Variants in PLEKHH2 observed in about 807,000 individuals in gnomAD.
The protein encoded by PLEKHH2 is pleckstrin homology, MyTH4 and FERM domain containing H2, also known as pleckstrin homology domain-containing family H member 2.
PLEKHH2 carries 129 observed loss-of-function variants against 187.9 expected under a neutral mutation model. That is an observed-to-expected ratio of 0.69 (90% CI 0.59 to 0.79). PLEKHH2 has a LOEUF of 0.79. Among genes scored for constraint, PLEKHH2 ranks in the 30% least tolerant of loss-of-function variants. The pLI, the probability that PLEKHH2 is intolerant of heterozygous loss-of-function variation, is 0.00. For missense variants in PLEKHH2, 2,076 were observed against 1,751.2 expected (o/e 1.19, Z -3.31); for synonymous variants, 686 against 605.6 (o/e 1.13, Z -1.95).
At chr2:43,730,857 T>TA (rs2104570875) in intron 18 of PLEKHH2, among the ~76,000 whole-genome samples, 1 of 152,370 alleles carries the variant, frequency 6.6e-6, no homozygotes, top group South Asian at 2.1e-4. Context: ...TTTATCTTTA[T>TA]ATCTCTTTCT....
intron 2 of PLEKHH2, among the ~76,000 whole-genome samples, chr2:43,673,929 T>C (rs538684021): frequency 6.6e-6 from 1 of 152,106 alleles, no homozygotes; most frequent in Non-Finnish European, 1.5e-5. Flanking sequence ...TCAAGACAAC[T>C]TTACAATGTA....
intron 16 of PLEKHH2, among the ~76,000 whole-genome samples, chr2:43,723,170 A>G (rs893230006): frequency 1.3e-5 from 2 of 152,196 alleles, no homozygotes; most frequent in Non-Finnish European, 2.9e-5. Flanking sequence ...TTATCATAGT[A>G]TTAATAGAAT....
chr2:43,676,151 T>C (rs1200031463), intron 2 of PLEKHH2: 3 of 1,614,034 alleles, frequency 1.9e-6, no homozygotes, highest in Non-Finnish European at 2.5e-6. Context: ...AGTATCACTT[T>C]TGAAGTGTTT....
chr2:43,756,993 A>G (rs1672236801), intron 25 of PLEKHH2, 126 bp from the exon 26 acceptor site: 2 of 621,024 alleles, frequency 3.2e-6, no homozygotes, highest in Non-Finnish European at 4.9e-6. Flanking sequence ...TCATAATCAC[A>G]TAATCATGAC....
intron 6 of PLEKHH2, among the ~76,000 whole-genome samples, chr2:43,695,548 C>T (rs1488470358): frequency 6.6e-6 from 1 of 152,184 alleles, no homozygotes; most frequent in Admixed American, 6.5e-5. Context: ...AAACTAAGTT[C>T]CAGAGAGTCC....
chr2:43,754,415 T>C (rs1265816983), intron 25 of PLEKHH2, among the ~76,000 whole-genome samples: 1 of 151,670 alleles, frequency 6.6e-6, no homozygotes, highest in East Asian at 1.9e-4. Context: ...GGGGAAGGGC[T>C]GAAAAGGGCA....
intron 2 of PLEKHH2, among the ~76,000 whole-genome samples, chr2:43,677,675 G>GC (rs1667891656): frequency 6.6e-6 from 1 of 151,582 alleles, no homozygotes; most frequent in African/African-American, 2.4e-5. Flanking sequence ...CCACAAAACC[G>GC]CCATTGTCAT....
chr2:43,695,580 A>G (rs1326085976), intron 6 of PLEKHH2, among the ~76,000 whole-genome samples: 1 of 152,238 alleles, frequency 6.6e-6, no homozygotes, highest in Non-Finnish European at 1.5e-5. Context: ...AGTACTGTAC[A>G]GAGACATTAG....
At chr2:43,669,933 C>T (rs1234728350) in intron 2 of PLEKHH2, among the ~76,000 whole-genome samples, 1 of 151,936 alleles carries the variant, frequency 6.6e-6, no homozygotes, top group East Asian at 1.9e-4. Flanking sequence ...ATAAAAGAAG[C>T]CCCTGAAGAA....
rs1669280345 is a variant in PLEKHH2, at chr2:43,700,046, T to C, written c.1088T>C (p.Leu363Pro). 6.2e-7 allele frequency: 1 copy of C among 1,614,038 alleles called. No homozygotes were observed. Among genetic ancestry groups the C allele is most frequent in the African/African-American group, 1.3e-5 (1 of 74,918 alleles). Residue 363 changes from leucine (L) to proline (P), a missense_variant, in exon 8 of 30, where the codon CTA (leucine) becomes CCA (proline). Coordinates refer to ENST00000282406, the MANE Select transcript of PLEKHH2 (RefSeq NM_172069.4). ...SWQQEAQWKA[L>P]NSPLGKGNSE... is the part of the protein sequence containing the mutation. ...CAGCAGGAGGCACAGTGGAAAGCTCTAAATAGTCCTCTTGGAAAGGGAAAT... is the reference window on the plus strand; with the variant it reads ...CAGCAGGAGGCACAGTGGAAAGCTCCAAATAGTCCTCTTGGAAAGGGAAAT...
chr2:43,703,687 T>C (rs1345591019), intron 8 of PLEKHH2, among the ~76,000 whole-genome samples: 1 of 151,676 alleles, frequency 6.6e-6, no homozygotes, highest in Non-Finnish European at 1.5e-5. Context: ...TAGTCAGTGA[T>C]TGTGAAAAAG....
chr2:43,685,911 T>G (rs1449027117), intron 3 of PLEKHH2, among the ~76,000 whole-genome samples: 1 of 152,242 alleles, frequency 6.6e-6, no homozygotes, highest in Non-Finnish European at 1.5e-5. Flanking sequence ...GGTGGATACC[T>G]TAATATATTA....
chr2:43,675,801 T>C (rs1558461178), intron 2 of PLEKHH2: 4 of 1,613,822 alleles, frequency 2.5e-6, no homozygotes, highest in Non-Finnish European at 1.7e-6. Flanking sequence ...ATTCGAGGTC[T>C]CCAAATATAA....
At chr2:43,652,309 A>C (rs972158370) in intron 2 of PLEKHH2, among the ~76,000 whole-genome samples, 4 of 151,926 alleles carry the variant, frequency 2.6e-5, no homozygotes, top group African/African-American at 9.7e-5. Flanking sequence ...CTTTCATGTC[A>C]CTCCGCCTCT....
At chr2:43,700,659 CTT>C in intron 8 of PLEKHH2, 51 bp downstream of exon 8, 2 of 1,521,150 alleles carry the variant, frequency 1.3e-6, no homozygotes, top group South Asian at 1.3e-5. Flanking sequence ...TTTCTCAACA[CTT>C]TTTTTTTCTG....
chr2:43,731,366 T>C (rs972201282), intron 18 of PLEKHH2, 124 bp from the exon 19 acceptor site: 2 of 639,436 alleles, frequency 3.1e-6, no homozygotes, highest in Non-Finnish European at 5.4e-6. Flanking sequence ...AGTTTTTTTC[T>C]GACCTTTGTG....
In PLEKHH2 at chr2:43,692,525, G is replaced by A; in HGVS notation, c.198G>A (p.Met66Ile). ...TCCTTTGAATTTAGGTACAAGTTAT[G>A]GAAGATAAATTAAAAGCAGCTAATA... The part of the protein sequence containing the change: ...AEKAFQQVQV[M>I]EDKLKAANIQ... Residue 66 changes from methionine to isoleucine, a missense_variant, in exon 4 of 30, where the codon ATG (methionine) becomes ATA (isoleucine). Coordinates refer to ENST00000282406, the MANE Select transcript of PLEKHH2 (RefSeq NM_172069.4). The A allele has an allele frequency of 6.4e-7, 1 of 1,573,066 alleles. No individual in the cohort carries two copies. The highest frequency in any genetic ancestry group is 8.7e-7 in the Non-Finnish European group (1 of 1,147,728).
At chr2:43,660,137 A>G (rs13388109) in intron 2 of PLEKHH2, among the ~76,000 whole-genome samples, 2,606 of 152,250 alleles carry the variant, frequency 0.017, 63 homozygotes, top group African/African-American at 0.06. Flanking sequence ...TATGACATAA[A>G]GTGTATAGTT....
intron 9 of PLEKHH2, among the ~76,000 whole-genome samples, chr2:43,704,684 A>AAAAAAT: frequency 6.7e-6 from 1 of 150,278 alleles, no homozygotes; most frequent in Admixed American, 6.6e-5. Flanking sequence ...AAAAAAAAAA[A>AAAAAAT]AAGATTAAGA....
Sources: gnomAD v4.1 joint callset for allele counts (sites outside exome capture counted in the v4.1 genomes callset) on GRCh38, gnomAD v4.1.1 for gene constraint, MANE v1.5 for transcripts, NCBI Gene and HGNC (gene_info 2026-07-23, HGNC 2026-07-21) for gene names.